The following FXR1 variants were observed in gnomAD, a reference collection of about 807,000 sequenced individuals.
The protein encoded by FXR1 is FMR1 autosomal homolog 1.
FXR1 carries 15 observed loss-of-function variants against 84.0 expected under a neutral mutation model. The observed-to-expected ratio is 0.18, with a 90% CI of 0.12 to 0.27. FXR1 has a LOEUF of 0.27. FXR1 is among the 10% of genes least tolerant of loss of function. The pLI, the probability that FXR1 is intolerant of heterozygous loss-of-function variation, is 1.00. For missense variants in FXR1, 480 were observed against 774.4 expected, an observed-to-expected ratio of 0.62 and a Z score of 4.51; for synonymous variants, 245 against 250.7, an observed-to-expected ratio of 0.98 and a Z score of 0.21.
intron 14 of FXR1, 151 bp downstream of exon 14, chr3:180,968,405 G>C: frequency 1.6e-6 from 1 of 612,210 alleles, no homozygotes; most frequent in South Asian, 2.0e-5. Context: ...GCAGTATCAG[G>C]AAAAGCCCTC....
chr3:180,964,074 G>A (rs1712487525), intron 13 of FXR1, among the ~76,000 whole-genome samples: 2 of 152,128 alleles, frequency 1.3e-5, no homozygotes, highest in South Asian at 4.1e-4. Context: ...ATTTGTTGTA[G>A]AGTTGTAAGT....
chr3:180,973,079 T>TTAGA (rs1294601572), intron 15 of FXR1, among the ~76,000 whole-genome samples: 4 of 152,196 alleles, frequency 2.6e-5, no homozygotes, highest in Admixed American at 2.6e-4. Context: ...TTCGAGGAAA[T>TTAGA]TCTAGAGTCC....
At chr3:180,935,092 G>A (rs1720367826) in intron 2 of FXR1, 46 bp from the exon 3 acceptor site, 1 of 871,070 alleles carries the variant, frequency 1.1e-6, no homozygotes, top group Non-Finnish European at 1.9e-6. Flanking sequence ...ACCAGGCGTA[G>A]ACTATATATT....
At chr3:180,963,397 C>G (rs749672365) in intron 13 of FXR1, among the ~76,000 whole-genome samples, 2 of 151,996 alleles carry the variant, frequency 1.3e-5, no homozygotes, top group Non-Finnish European at 2.9e-5. Flanking sequence ...AAATACTTTA[C>G]TAGTACAGTT....
chr3:180,947,752 A>G (rs550737570), intron 3 of FXR1, 113 bp from the exon 4 acceptor site: 1 of 502,474 alleles, frequency 2.0e-6, no homozygotes, highest in African/African-American at 2.0e-5. Context: ...CAATTTAAAT[A>G]AAATAGCATT....
chr3:180,981,701 C>T lies in FXR1; in HGVS notation c.*5409C>T, dbSNP rs1214243058. 1.3e-5 allele frequency: 2 copies of T among 152,060 alleles called. No individual in the cohort carries two copies. The highest frequency in any genetic ancestry group is 6.6e-5 in the Admixed American group (1 of 15,252). The allele number at this position is 152,060 out of a possible 1,614,324, so 9.4% of individuals were successfully genotyped here. ...CACCAAGGACCTAATTTTAGTTTCACTAGCCGTGGGACCTTAGAAAAAAGA... is the reference window on the plus strand; with the variant it reads ...CACCAAGGACCTAATTTTAGTTTCATTAGCCGTGGGACCTTAGAAAAAAGA... On this transcript the variant is annotated 3_prime_UTR_variant, in exon 17 of 17. Transcript: ENST00000357559.
chr3:180,932,075 C>CAAAAAAAAAAAAAA (rs4042648), intron 1 of FXR1, among the ~76,000 whole-genome samples: 11 of 79,142 alleles, frequency 1.4e-4, no homozygotes, highest in Non-Finnish European at 2.1e-4. Context: ...TTGTAAGTTT[C>CAAAAAAAAAAAAAA]AAAAAAAAAA....
At chr3:180,948,140 A>G in intron 4 of FXR1, 2 of 612,922 alleles carry the variant, frequency 3.3e-6, no homozygotes, top group Non-Finnish European at 5.8e-6. Flanking sequence ...GTACACCTCA[A>G]GCATGTAAGG....
intron 1 of FXR1, among the ~76,000 whole-genome samples, chr3:180,919,547 G>A (rs1249646817): frequency 2.6e-5 from 4 of 151,912 alleles, no homozygotes; most frequent in African/African-American, 9.7e-5. Context: ...GCCTCCCAAA[G>A]TGCTGGGATT....
At chr3:180,962,815 A>T in intron 11 of FXR1, 68 bp from the exon 12 acceptor site, 1 of 1,032,206 alleles carries the variant, frequency 9.7e-7, no homozygotes, top group Non-Finnish European at 1.5e-6. Context: ...GTACAGCTTT[A>T]GCTTTAGGCT....
Position 180,964,673 on chromosome 3 carries a change from T to TTATATA in FXR1, c.1198+1606_1198+1611dup, listed in dbSNP as rs10600370. ...TATATCAGAGGGACTTGTAGTTGATTTATATATATATATATATATATATAT... is the reference window on the plus strand; with the variant it reads ...TATATCAGAGGGACTTGTAGTTGATTTATATATATATATATATATATATATATATAT... On this transcript the variant is annotated intron_variant, in intron 13 of 16. Transcript: ENST00000357559. 6.1e-3 allele frequency among the ~76,000 whole-genome samples: 837 copies of TTATATA among 136,316 alleles called. 8 individuals carry two copies. The highest frequency in any genetic ancestry group is 0.012 in the African/African-American group (401 of 34,556). 89.4% of individuals were successfully genotyped at this position (136,316 alleles called of 152,430 possible).
chr3:180,957,431 A>G (rs1711509274), intron 9 of FXR1: 1 of 154,566 alleles, frequency 6.5e-6, no homozygotes, highest in South Asian at 2.1e-4. Flanking sequence ...ACTTATGTGA[A>G]TTAATAAAGT....
At chr3:180,963,268 A>G (rs1712374811) in intron 13 of FXR1, among the ~76,000 whole-genome samples, 178 bp downstream of exon 13, 1 of 152,126 alleles carries the variant, frequency 6.6e-6, no homozygotes, top group South Asian at 2.1e-4. Context: ...CATTAAAATG[A>G]CAGTAAAATA....
chr3:180,954,141 A>G (rs1024432384), intron 9 of FXR1: 3 of 244,490 alleles, frequency 1.2e-5, no homozygotes, highest in South Asian at 1.7e-4. Flanking sequence ...GATCTTCCCT[A>G]TTATTCTCAC....
chr3:180,962,734 A>AGAAACAG, intron 11 of FXR1, 149 bp from the exon 12 acceptor site: 3 of 627,800 alleles, frequency 4.8e-6, no homozygotes, highest in Non-Finnish European at 8.5e-6. Context: ...AAATGACCTC[A>AGAAACAG]TCAATTCTGT....
At chr3:180,928,624 GTGCATATGTCTGTTGT>G (rs1481762351) in intron 1 of FXR1, among the ~76,000 whole-genome samples, 2 of 151,942 alleles carry the variant, frequency 1.3e-5, no homozygotes, top group East Asian at 3.9e-4. Context: ...CATAGCTTTT[GTGCATATGTCTGTTGT>G]TGAGGACACT....
At chr3:180,964,871 G>A (rs115497341) in intron 13 of FXR1, among the ~76,000 whole-genome samples, 2,942 of 151,562 alleles carry the variant, frequency 0.019, 31 homozygotes, top group Middle Eastern at 0.031. Flanking sequence ...TCTTGGAGTC[G>A]ATAAAACGTG....
At chr3:180,930,944 G>A (rs1221196458) in intron 1 of FXR1, among the ~76,000 whole-genome samples, 2 of 149,174 alleles carry the variant, frequency 1.3e-5, no homozygotes, top group Admixed American at 1.4e-4. Flanking sequence ...TAGGAGGATC[G>A]CTTGAGCCAG....
chr3:180,948,064 C>T, intron 4 of FXR1, 128 bp downstream of exon 4: 1 of 639,674 alleles, frequency 1.6e-6, no homozygotes, highest in East Asian at 2.7e-5. Context: ...GTTGATCAGA[C>T]ATTTCCATTA....
Sources: gnomAD v4.1 joint callset for allele counts (sites outside exome capture counted in the v4.1 genomes callset) on GRCh38, gnomAD v4.1.1 for gene constraint, MANE v1.5 for transcripts, NCBI Gene and HGNC (gene_info 2026-07-23, HGNC 2026-07-21) for gene names.